Variants in CDH11 observed in about 807,000 individuals in gnomAD.
CDH11 encodes cadherin 11, also known as cadherin-11.
CDH11 carries 11 observed loss-of-function variants against 67.8 expected under a neutral mutation model. That is an observed-to-expected ratio of 0.16 (90% CI 0.10 to 0.27). CDH11 has a LOEUF of 0.27. Among genes scored for constraint, CDH11 ranks in the 10% least tolerant of loss-of-function variants. The pLI is 1.00. For synonymous variants in CDH11, 419 were observed against 400.0 expected, an observed-to-expected ratio of 1.05 and a Z score of -0.57; for missense variants, 847 against 1,031.2, an observed-to-expected ratio of 0.82 and a Z score of 2.45.
Position 65,031,304 on chromosome 16 carries a change from G to C in CDH11, c.-173+22500C>G, listed in dbSNP as rs559359137. On this transcript the variant is annotated intron_variant, in intron 2 of 12. Transcript: ENST00000268603. ...GGCAATAGCAAACAAATGTTGTTAT[G>C]GTCCTCAGGTCACTGATAGGCTAAT... Among the ~76,000 whole-genome samples the C allele has an allele frequency of 2.0e-5, 3 of 152,356 alleles. No individual in the cohort carries two copies. The South Asian group carries it at 6.2e-4, about 32-fold the overall frequency.
At chr16:65,103,699 G>A (rs1052025985) in intron 1 of CDH11, among the ~76,000 whole-genome samples, 3 of 152,086 alleles carry the variant, frequency 2.0e-5, no homozygotes, top group Non-Finnish European at 4.4e-5. Flanking sequence ...TATTTGTAAG[G>A]TATCCACTAG....
chr16:65,067,082 C>G (rs1302543060), intron 1 of CDH11, among the ~76,000 whole-genome samples: 1 of 152,044 alleles, frequency 6.6e-6, no homozygotes, highest in Admixed American at 6.6e-5. Context: ...CTACAACTTT[C>G]TCCTTTCTTC....
chr16:65,045,396 C>T (rs1340536105), intron 2 of CDH11, among the ~76,000 whole-genome samples: 3 of 132,730 alleles, frequency 2.3e-5, no homozygotes, highest in Non-Finnish European at 3.1e-5. Context: ...GGCAGCCTAA[C>T]AGCTTTTGGA....
At chr16:65,004,336 G>A (rs1034701974) in intron 3 of CDH11, among the ~76,000 whole-genome samples, 1 of 152,158 alleles carries the variant, frequency 6.6e-6, no homozygotes, top group African/African-American at 2.4e-5. Flanking sequence ...TCACACTACT[G>A]CATGCCAGTC....
intron 1 of CDH11, among the ~76,000 whole-genome samples, chr16:65,113,645 G>C (rs2075197282): frequency 6.6e-6 from 1 of 152,152 alleles, no homozygotes; most frequent in Non-Finnish European, 1.5e-5. Flanking sequence ...AAGCAGATGG[G>C]AGTGATGAGG....
At chr16:64,968,612 G>A in intron 11 of CDH11, 1 of 954,892 alleles carries the variant, frequency 1.0e-6, no homozygotes, top group Non-Finnish European at 1.2e-6. Flanking sequence ...AAAAGCTTGT[G>A]TGTATTAAGA....
chr16:64,993,838 C>T (rs2072694730), intron 4 of CDH11, among the ~76,000 whole-genome samples: 1 of 152,120 alleles, frequency 6.6e-6, no homozygotes, highest in Non-Finnish European at 1.5e-5. Context: ...AGAAGAAAAC[C>T]AGTAATTATC....
rs72792904 is a variant in CDH11, at chr16:65,063,602, A to G, written c.-297-9674T>C. Among the ~76,000 whole-genome samples the G allele has an allele frequency of 7.1e-3, 1,083 of 152,298 alleles. 8 individuals carry two copies. Among genetic ancestry groups the G allele is most frequent in the Non-Finnish European group, 0.011 (742 of 68,024 alleles). On this transcript the variant is annotated intron_variant, in intron 1 of 12. Transcript: ENST00000268603. ...CAAGAAGCAAGGAGGTTGTCTTTCT[A>G]AACAGGCTTTTAAAATGACTCCTTG...
chr16:65,058,500 G>A (rs939581967), intron 1 of CDH11, among the ~76,000 whole-genome samples: 3 of 152,134 alleles, frequency 2.0e-5, no homozygotes, highest in Admixed American at 1.3e-4. Flanking sequence ...ATCCCTGGGG[G>A]TCTGCAGATG....
At chr16:65,005,169 T>C (rs2073021799) in intron 2 of CDH11, 128 bp from the exon 3 acceptor site, 2 of 774,852 alleles carry the variant, frequency 2.6e-6, no homozygotes, top group South Asian at 9.1e-5. Flanking sequence ...GGAAGCTCAC[T>C]GACTGCTTTG....
At chr16:65,018,038 A>T (rs1248003897) in intron 2 of CDH11, among the ~76,000 whole-genome samples, 7 of 152,224 alleles carry the variant, frequency 4.6e-5, no homozygotes, top group Non-Finnish European at 1.0e-4. Context: ...GCCCATTTTT[A>T]AAATTGGCTT....
At chr16:64,995,319 G>A (rs2072736769) in intron 4 of CDH11, among the ~76,000 whole-genome samples, 1 of 152,024 alleles carries the variant, frequency 6.6e-6, no homozygotes, top group African/African-American at 2.4e-5. Context: ...AGTTGGAGGA[G>A]TCACCTTACC....
intron 2 of CDH11, among the ~76,000 whole-genome samples, chr16:65,030,671 A>T (rs1171789941): frequency 6.6e-6 from 1 of 152,112 alleles, no homozygotes; most frequent in Non-Finnish European, 1.5e-5. Context: ...CCAAGGCTCA[A>T]GTGATTCTCC....
chr16:65,072,508 C>T (rs1218828410), intron 1 of CDH11, among the ~76,000 whole-genome samples: 1 of 152,030 alleles, frequency 6.6e-6, no homozygotes, highest in Non-Finnish European at 1.5e-5. Context: ...TCTTCTTGTC[C>T]AATTTTTTTT....
chr16:65,063,808 C>T lies in CDH11; in HGVS notation c.-297-9880G>A, dbSNP rs189862711. Among the ~76,000 whole-genome samples the T allele has an allele frequency of 6.4e-4, 98 of 152,214 alleles. 1 individual carries two copies. Among genetic ancestry groups the T allele is most frequent in the Middle Eastern group, 3.4e-3 (1 of 294 alleles). On this transcript the variant is annotated intron_variant, in intron 1 of 12. Coordinates refer to ENST00000268603, the MANE Select transcript of CDH11 (RefSeq NM_001797.4). ...AGTAAATGAATTTTGGCATTGGGTA[C>T]CAGGGTGGATTTGATGGGCAGTAAG...
chr16:64,985,645 A>C (rs1295608415), intron 7 of CDH11: 1 of 151,310 alleles, frequency 6.6e-6, no homozygotes, highest in African/African-American at 2.4e-5. Flanking sequence ...CTGGGGAGTG[A>C]TTTTGCTCCC....
intron 1 of CDH11, chr16:65,094,964 A>G (rs1414113131): frequency 6.6e-6 from 1 of 152,154 alleles, no homozygotes; most frequent in Non-Finnish European, 1.5e-5. Flanking sequence ...GTAGCAGCAC[A>G]AAGAAATTAA....
At position 64,945,467 on chromosome 16, in the gene CDH11, T is replaced by C; in HGVS notation, c.*2136A>G. ...GATCATCCATGGTGACAGGGTTACT[T>C]ACAGCTGTATACTTATTTAAATGCT... On this transcript the variant is annotated 3_prime_UTR_variant, in exon 13 of 13. Transcript: ENST00000268603. 1 of 1,035,464 alleles carries C rather than the reference T, an allele frequency of 9.7e-7. No homozygotes were observed. Among genetic ancestry groups the C allele is most frequent in the East Asian group, 5.9e-5 (1 of 16,808 alleles). The allele number at this position is 1,035,464 out of a possible 1,614,324, so 64.1% of individuals were successfully genotyped here.
At chr16:64,991,992 G>A (rs571697478) in intron 5 of CDH11, 57 bp from the exon 6 acceptor site, 1 of 1,317,930 alleles carries the variant, frequency 7.6e-7, no homozygotes, top group Non-Finnish European at 1.1e-6. Flanking sequence ...ATGACAACAA[G>A]AAAGTTCTGA....
Sources: allele counts gnomAD v4.1 joint callset (sites outside exome capture counted in the v4.1 genomes callset), GRCh38; gene constraint gnomAD v4.1.1; transcripts MANE v1.5; gene names NCBI Gene and HGNC (gene_info 2026-07-23, HGNC 2026-07-21).